Variants in MMP20 observed in about 807,000 individuals in gnomAD.
The protein encoded by MMP20 is matrix metallopeptidase 20, also known as matrix metalloproteinase-20.
A neutral mutation model predicts 51.8 loss-of-function variants in MMP20; 50 were observed. That is an observed-to-expected ratio of 0.97 (90% CI 0.77 to 1.22). The LOEUF (loss-of-function observed/expected upper bound fraction) is 1.22, where lower values mean the gene tolerates loss of function less well. Among genes scored for constraint, MMP20 ranks in the 50% most tolerant of loss-of-function variants. MMP20 has a pLI of 0.00. For synonymous variants in MMP20, 244 were observed against 216.2 expected, an observed-to-expected ratio of 1.13 and a Z score of -1.13; for missense variants, 663 against 601.4, an observed-to-expected ratio of 1.10 and a Z score of -1.07.
chr11:102,593,461 A>C lies in MMP20; in HGVS notation c.1225T>G (p.Phe409Val). 6.2e-7 allele frequency: 1 copy of C among 1,614,170 alleles called. No homozygotes were observed. Among genetic ancestry groups the C allele is most frequent in the Non-Finnish European group, 8.5e-7 (1 of 1,179,994 alleles). ...YLREPQKTLF[F>V]VGDEYYSYDE... The stretch of plus-strand genomic sequence containing the variant: ...TACCTGTAGTATTCATCTCCCACAA[A>C]GAAAAGGGTCTTCTGTGGCTCCCTG... Residue 409 changes from phenylalanine (F) to valine (V), a missense_variant, in exon 8 of 10, where the codon TTT (phenylalanine) becomes GTT (valine). Phe to Val is a conservative substitution (Grantham distance 50). Coordinates refer to ENST00000260228, the MANE Select transcript of MMP20 (RefSeq NM_004771.4).
chr11:102,576,995 C>A lies in MMP20; in HGVS notation c.*331G>T. Reference sequence around the variant, plus strand: ...TTACAATATATGTCATGGAATCCACCACTAGTCTTCCTCCTGGAAATAAAA... The same window carrying A: ...TTACAATATATGTCATGGAATCCACAACTAGTCTTCCTCCTGGAAATAAAA... On this transcript the variant is annotated 3_prime_UTR_variant, in exon 10 of 10. Transcript: ENST00000260228. 1 of 300,058 alleles carries A rather than the reference C, an allele frequency of 3.3e-6. No homozygotes were observed. Among genetic ancestry groups the A allele is most frequent in the Non-Finnish European group, 6.4e-6 (1 of 156,340 alleles). 18.6% of individuals were successfully genotyped at this position (300,058 alleles called of 1,614,324 possible). A position where few individuals can be genotyped will look rare whatever the true frequency, so the allele number is the denominator to read the frequency against.
intron 8 of MMP20, among the ~76,000 whole-genome samples, chr11:102,582,916 C>A (rs1436781312): frequency 6.6e-6 from 1 of 152,124 alleles, no homozygotes; most frequent in African/African-American, 2.4e-5. Context: ...GTCCTTGGAC[C>A]CCATCTTCCT....
chr11:102,596,537 T>C (rs554295666), intron 6 of MMP20, among the ~76,000 whole-genome samples: 2 of 152,318 alleles, frequency 1.3e-5, no homozygotes, highest in African/African-American at 4.8e-5. Flanking sequence ...TTTGAAAAGG[T>C]ATTATTTGCT....
intron 2 of MMP20, among the ~76,000 whole-genome samples, chr11:102,615,461 G>C (rs749903881): frequency 6.6e-6 from 1 of 152,048 alleles, no homozygotes; most frequent in Non-Finnish European, 1.5e-5. Flanking sequence ...GCTATTAGGC[G>C]GCAGCTCTAC....
At chr11:102,605,972 G>A (rs1280118992) in intron 6 of MMP20, among the ~76,000 whole-genome samples, 4 of 152,166 alleles carry the variant, frequency 2.6e-5, no homozygotes, top group African/African-American at 4.8e-5. Flanking sequence ...GAGCAGTTTC[G>A]GAAGAATGCT....
chr11:102,620,005 G>T (rs1445311997), intron 1 of MMP20, among the ~76,000 whole-genome samples: 1 of 152,126 alleles, frequency 6.6e-6, no homozygotes, highest in African/African-American at 2.4e-5. Flanking sequence ...CCTAGTTGGT[G>T]CTTCCATAAG....
chr11:102,618,133 T>C (rs1185046790), intron 1 of MMP20, among the ~76,000 whole-genome samples: 4 of 152,184 alleles, frequency 2.6e-5, no homozygotes. Flanking sequence ...ACTGTATTGT[T>C]TAGGGAAAAG....
At chr11:102,600,423 A>G (rs901785579) in intron 6 of MMP20, among the ~76,000 whole-genome samples, 5 of 152,178 alleles carry the variant, frequency 3.3e-5, no homozygotes, top group Admixed American at 1.3e-4. Flanking sequence ...TTTGTTATTA[A>G]CAAGCTTCTC....
At chr11:102,619,119 T>A (rs541340506) in intron 1 of MMP20, among the ~76,000 whole-genome samples, 1 of 151,900 alleles carries the variant, frequency 6.6e-6, no homozygotes, top group East Asian at 1.9e-4. Context: ...CCTTAAGTAT[T>A]GATGTTTCTC....
At position 102,579,067 on chromosome 11, in the gene MMP20, G is replaced by T; in HGVS notation, c.1323C>A (p.Gly441=). ...NTEEEFSGVN[G]QIDAAVELNG... The stretch of plus-strand genomic sequence containing the variant: ...TTAATTCTACAGCAGCATCGATTTG[G>T]CCATTTACTCCTGAAAATTCTTCTT... Residue 441 remains glycine (G), a synonymous_variant, in exon 9 of 10, where the codon GGC becomes GGA. Transcript: ENST00000260228. 3 of 1,612,892 alleles carry T rather than the reference G, an allele frequency of 1.9e-6. No individual in the cohort carries two copies. The highest frequency in any genetic ancestry group is 2.5e-6 in the Non-Finnish European group (3 of 1,178,938).
rs141685039 is a variant in MMP20 at position 102,602,259 on chromosome 11, C to T, written c.953+4276G>A. ...CTGGGATTACAGGCTTGAGCCACCG[C>T]GCCCGGCCAAAAATGCTTTTCTTTG... On this transcript the variant is annotated intron_variant, in intron 6 of 9. Coordinates refer to ENST00000260228, the MANE Select transcript of MMP20 (RefSeq NM_004771.4). Among the ~76,000 whole-genome samples the T allele has an allele frequency of 6.1e-5, 9 of 146,774 alleles. No individual in the cohort carries two copies. In the East Asian group the frequency reaches 9.7e-4, roughly 16 times the overall value.
At chr11:102,597,450 T>A (rs1478621194) in intron 6 of MMP20, among the ~76,000 whole-genome samples, 1 of 152,202 alleles carries the variant, frequency 6.6e-6, no homozygotes. Flanking sequence ...AGGACTAAAT[T>A]GAAGTAGTCA....
In MMP20 at chr11:102,609,982, T is replaced by C. The variant is rs1337631282; in HGVS notation, c.572A>G (p.His191Arg). ...CAGGCCTTCTCCAGGAGCAAATGCA[T>C]GGGCTAGAGTCCCCCGAGGCCCATC... ...PFDGPRGTLA[H>R]AFAPGEGLGG... Residue 191 changes from histidine to arginine, a missense_variant, in exon 4 of 10, where the codon CAT becomes CGT. By Grantham distance (29) the His-to-Arg change is conservative (BLOSUM62 0). Transcript: ENST00000260228. The C allele has an allele frequency of 6.2e-7, 1 of 1,614,194 alleles. No homozygotes were observed. The highest frequency in any genetic ancestry group is 1.7e-5 in the Admixed American group (1 of 60,010).
At chr11:102,598,333 A>G (rs1431268702) in intron 6 of MMP20, among the ~76,000 whole-genome samples, 1 of 152,234 alleles carries the variant, frequency 6.6e-6, no homozygotes, top group Non-Finnish European at 1.5e-5. Context: ...TATTGGAATG[A>G]AAATAAACAG....
intron 8 of MMP20, among the ~76,000 whole-genome samples, chr11:102,580,346 C>A (rs1350304332): frequency 6.6e-6 from 1 of 152,214 alleles, no homozygotes; most frequent in Non-Finnish European, 1.5e-5. Context: ...CAGGTGGACA[C>A]CCCACTCCTT....
intron 2 of MMP20, among the ~76,000 whole-genome samples, chr11:102,614,071 A>G (rs1447543559): frequency 6.6e-6 from 1 of 152,174 alleles, no homozygotes; most frequent in Non-Finnish European, 1.5e-5. Flanking sequence ...TTGAAGTCAC[A>G]CTATGTGCTG....
intron 1 of MMP20, among the ~76,000 whole-genome samples, chr11:102,620,705 C>T (rs188890517): frequency 5.2e-4 from 79 of 152,268 alleles, no homozygotes; most frequent in African/African-American, 1.7e-3. Context: ...AGTTTAAGTA[C>T]GCTCCAGGAC....
At position 102,609,107 on chromosome 11, in the gene MMP20, T is replaced by C. The variant is rs761310998; in HGVS notation, c.650-9A>G. On this transcript the variant is annotated splice_polypyrimidine_tract_variant and intron_variant, in intron 4 of 9. Coordinates refer to ENST00000260228, the MANE Select transcript of MMP20 (RefSeq NM_004771.4). Reference sequence around the variant, plus strand: ...GGTAAACAAATTAAAACCTAGACAATATGAGAGAGAAAAAAACAGTATCAA... The same window carrying C: ...GGTAAACAAATTAAAACCTAGACAACATGAGAGAGAAAAAAACAGTATCAA... 3 of 1,613,796 alleles carry C rather than the reference T, an allele frequency of 1.9e-6. No individual in the cohort carries two copies. The highest frequency in any genetic ancestry group is 2.5e-6 in the Non-Finnish European group (3 of 1,179,852).
At position 102,616,912 on chromosome 11, in the gene MMP20, T is replaced by C. The variant is rs61730848; in HGVS notation, c.274A>G (p.Met92Val). The C allele has an allele frequency of 4.1e-4, 660 of 1,614,194 alleles. 6 individuals are homozygous for C. The African/African-American group carries it at 6.8e-3, about 17-fold the overall frequency. Residue 92 changes from methionine (M) to valine (V), a missense_variant, in exon 2 of 10, where the codon ATG becomes GTG. By Grantham distance (21) the Met-to-Val change is conservative. Transcript: ENST00000260228. ...QVTGKLDQTT[M>V]NVIKKPRCGV... is the part of the protein sequence containing the mutation. ...CAGCGAGGCTTCTTGATCACGTTCA[T>C]TGTGGTCTGGTCTAACTTCCCGGTG...
Sources: allele counts gnomAD v4.1 joint callset (sites outside exome capture counted in the v4.1 genomes callset), GRCh38; gene constraint gnomAD v4.1.1; transcripts MANE v1.5; gene names NCBI Gene and HGNC (gene_info 2026-07-23, HGNC 2026-07-21).